The following BABAM2 variants were observed in gnomAD, a reference collection of about 807,000 sequenced individuals.
The protein encoded by BABAM2 is BRISC and BRCA1-A complex member 2.
A neutral mutation model predicts 54.7 loss-of-function variants in BABAM2; 31 were observed. That is an observed-to-expected ratio of 0.57 (90% CI 0.43 to 0.77). BABAM2 has a LOEUF of 0.77. BABAM2 is among the 30% of genes least tolerant of loss of function. The pLI is 0.00. For synonymous variants in BABAM2, 167 were observed against 162.9 expected (o/e 1.03, Z -0.19); for missense variants, 364 against 455.8 (o/e 0.80, Z 1.83).
At chr2:28,197,604 A>G (rs985531226) in intron 7 of BABAM2, among the ~76,000 whole-genome samples, 1 of 152,194 alleles carries the variant, frequency 6.6e-6, no homozygotes, top group Non-Finnish European at 1.5e-5. Context: ...TTTTTGTTAG[A>G]AGGAATCAAA....
chr2:28,149,356 T>C (rs1671806849), intron 7 of BABAM2, among the ~76,000 whole-genome samples: 1 of 152,220 alleles, frequency 6.6e-6, no homozygotes, highest in Non-Finnish European at 1.5e-5. Context: ...CCCCGTCTTG[T>C]TGTCACCCTT....
chr2:27,961,978 C>T lies in BABAM2; in HGVS notation c.206-26015C>T, dbSNP rs533843684. ...CTCCTGGGCTCAAATGATTATCCTG[C>T]CTCAGCCTCCCAAAATAGTGAGATT... On this transcript the variant is annotated intron_variant, in intron 3 of 11. Transcript: ENST00000379624. 4.6e-5 allele frequency among the ~76,000 whole-genome samples: 7 copies of T among 152,104 alleles called. No individual in the cohort carries two copies. In the East Asian group the frequency reaches 1.3e-3, roughly 29 times the overall value.
At chr2:28,206,668 G>A (rs1274277870) in intron 7 of BABAM2, among the ~76,000 whole-genome samples, 1 of 152,100 alleles carries the variant, frequency 6.6e-6, no homozygotes, top group African/African-American at 2.4e-5. Context: ...TCTGTTTGTC[G>A]CCTATCTTCC....
rs1413391096 is a variant in BABAM2 at position 28,159,877 on chromosome 2, G to A, written c.680+30497G>A. Among the ~76,000 whole-genome samples the A allele has an allele frequency of 4.1e-5, 6 of 147,132 alleles. No homozygotes were observed. The Middle Eastern group carries it at 0.021, about 507-fold the overall frequency. ...GGCGACAGAGCAAAACTCCATCCCC[G>A]CCGGGAAAAAAAAAAAAAAATTGCC... On this transcript the variant is annotated intron_variant, in intron 7 of 11. Transcript: ENST00000379624.
intron 10 of BABAM2, among the ~76,000 whole-genome samples, chr2:28,288,329 C>CTTTTT (rs370784439): frequency 7.4e-6 from 1 of 134,234 alleles, no homozygotes; most frequent in Non-Finnish European, 1.6e-5. Flanking sequence ...CTTTTCTTTT[C>CTTTTT]TTTTTTTTTT....
chr2:28,003,232 C>G (rs1262505527), intron 4 of BABAM2, among the ~76,000 whole-genome samples: 1 of 152,154 alleles, frequency 6.6e-6, no homozygotes, highest in Non-Finnish European at 1.5e-5. Flanking sequence ...GTCTGCCATC[C>G]TGCTTTCTAC....
At chr2:28,167,736 A>C (rs1481865030) in intron 7 of BABAM2, among the ~76,000 whole-genome samples, 1 of 139,892 alleles carries the variant, frequency 7.1e-6, no homozygotes, top group Non-Finnish European at 1.6e-5. Flanking sequence ...AAATAAATAA[A>C]TAACGCAGTT....
At chr2:27,911,026 G>T (rs910367368) in intron 2 of BABAM2, among the ~76,000 whole-genome samples, 1 of 152,128 alleles carries the variant, frequency 6.6e-6, no homozygotes, top group Non-Finnish European at 1.5e-5. Context: ...TTTATAAGGG[G>T]CTTTTCCCCC....
chr2:28,206,628 G>A (rs996766600), intron 7 of BABAM2, among the ~76,000 whole-genome samples: 5 of 151,990 alleles, frequency 3.3e-5, no homozygotes, highest in Admixed American at 6.6e-5. Context: ...TCTTTCCTTC[G>A]GCACATTCCT....
At chr2:28,282,701 A>T (rs1320631262) in intron 10 of BABAM2, among the ~76,000 whole-genome samples, 1 of 152,094 alleles carries the variant, frequency 6.6e-6, no homozygotes, top group African/African-American at 2.4e-5. Flanking sequence ...TTTTCTTAGC[A>T]TTAAGAAAGT....
intron 3 of BABAM2, among the ~76,000 whole-genome samples, chr2:27,980,528 A>G (rs1054951751): frequency 2.0e-5 from 3 of 152,162 alleles, no homozygotes; most frequent in African/African-American, 7.2e-5. Flanking sequence ...GCCACAGTTT[A>G]TTTCAAAGAG....
chr2:28,273,123 ACATT>A (rs1211426241), intron 10 of BABAM2, among the ~76,000 whole-genome samples: 1 of 152,220 alleles, frequency 6.6e-6, no homozygotes, highest in Non-Finnish European at 1.5e-5. Context: ...CACGGACCGA[ACATT>A]TTCTGCTCCA....
At chr2:27,992,774 C>T (rs1672870519) in intron 4 of BABAM2, among the ~76,000 whole-genome samples, 1 of 152,148 alleles carries the variant, frequency 6.6e-6, no homozygotes, top group African/African-American at 2.4e-5. Context: ...GCTCCTTGCT[C>T]AGCCCTTTCC....
At chr2:28,253,785 T>G (rs761750262) in intron 10 of BABAM2, among the ~76,000 whole-genome samples, 2 of 152,130 alleles carry the variant, frequency 1.3e-5, no homozygotes, top group Admixed American at 6.5e-5. Flanking sequence ...ATCTCATCTC[T>G]CAGGAATGGA....
chr2:28,026,979 A>AATATATATATATATATATAAATATATAT (rs1675900387), intron 5 of BABAM2, among the ~76,000 whole-genome samples: 1 of 96,598 alleles, frequency 1.0e-5, no homozygotes, highest in African/African-American at 5.1e-5. Flanking sequence ...TAAATATATA[A>AATATATATATATATATATAAATATATAT]ATATATATAA....
chr2:27,982,882 C>CACACACACACAT (rs746699740), intron 3 of BABAM2, among the ~76,000 whole-genome samples: 5 of 146,444 alleles, frequency 3.4e-5, no homozygotes, highest in African/African-American at 1.2e-4. Context: ...CACACACACA[C>CACACACACACAT]ATATATGTCA....
chr2:28,193,527 C>A (rs1444456658), intron 7 of BABAM2, among the ~76,000 whole-genome samples: 1 of 152,182 alleles, frequency 6.6e-6, no homozygotes, highest in Non-Finnish European at 1.5e-5. Context: ...AGAATTGATA[C>A]AAGAGCATAC....
chr2:28,239,740 T>A (rs1286038811), intron 8 of BABAM2, among the ~76,000 whole-genome samples: 2 of 152,192 alleles, frequency 1.3e-5, no homozygotes, highest in African/African-American at 4.8e-5. Flanking sequence ...GATTCAAAAA[T>A]CATCATTTTG....
At chr2:28,222,433 C>G (rs1041657036) in intron 7 of BABAM2, among the ~76,000 whole-genome samples, 1 of 152,104 alleles carries the variant, frequency 6.6e-6, no homozygotes, top group Non-Finnish European at 1.5e-5. Context: ...CATGTGATTC[C>G]ACGTGAGTCT....
Sources: allele counts gnomAD v4.1 joint callset (sites outside exome capture counted in the v4.1 genomes callset), GRCh38; gene constraint gnomAD v4.1.1; transcripts MANE v1.5; gene names NCBI Gene and HGNC (gene_info 2026-07-23, HGNC 2026-07-21).